The following PARD6G variants were observed in gnomAD, a reference collection of about 807,000 sequenced individuals.
The protein encoded by PARD6G is partitioning defective 6 homolog gamma.
A neutral mutation model predicts 10.7 loss-of-function variants in PARD6G; 7 were observed. That is an observed-to-expected ratio of 0.66 (90% CI 0.37 to 1.23). The LOEUF is 1.23. Among genes scored for constraint, PARD6G ranks in the 50% most tolerant of loss-of-function variants. PARD6G has a pLI of 0.02. For synonymous variants in PARD6G, 287 were observed against 269.4 expected (o/e 1.07, Z -0.64); for missense variants, 548 against 571.8 (o/e 0.96, Z 0.42).
Position 80,159,596 on chromosome 18 carries a change from G to A in PARD6G, c.*175C>T, listed in dbSNP as rs62101564. ...ACAGGCGTTCATTTTAAGTTCTGTG[G>A]CGAAATTCTATAAAAATAGGCAATA... On this transcript the variant is annotated 3_prime_UTR_variant, in exon 3 of 3. Coordinates refer to ENST00000353265, the MANE Select transcript of PARD6G (RefSeq NM_032510.4). 183,291 of 1,095,748 alleles carry A rather than the reference G, an allele frequency of 0.17. 17,876 individuals carry two copies. The highest frequency in any genetic ancestry group is 0.42 in the African/African-American group (25,408 of 60,254). 67.9% of individuals were successfully genotyped at this position (1,095,748 alleles called of 1,614,324 possible).
chr18:80,182,200 C>A lies in PARD6G; in HGVS notation c.295+20510G>T, dbSNP rs569496935. Among the ~76,000 whole-genome samples, 195 of 152,348 alleles carry A rather than the reference C, an allele frequency of 1.3e-3. 4 individuals are homozygous for A. The South Asian group carries it at 0.032, about 25-fold the overall frequency. Reference sequence around the variant, plus strand: ...ACTTCTGTCTCCTCCTCCCAAAATGCCTGTGACCAACTGGGCTGCCTTTGA... The same window carrying A: ...ACTTCTGTCTCCTCCTCCCAAAATGACTGTGACCAACTGGGCTGCCTTTGA... On this transcript the variant is annotated intron_variant, in intron 2 of 2. Coordinates refer to ENST00000353265, the MANE Select transcript of PARD6G (RefSeq NM_032510.4). This position sits in a 1 kb window ranked among gnomAD's most constrained non-coding sequence, Gnocchi z 4.5.
At position 80,159,728 on chromosome 18, in the gene PARD6G, T is replaced by C; in HGVS notation, c.*43A>G. ...CAGTCTGCAGGTCCTGTCCCTGTCC[T>C]TACCGGGGAACTGGAGCTAGGATTT... is the stretch of plus-strand genomic sequence containing the variant. On this transcript the variant is annotated 3_prime_UTR_variant, in exon 3 of 3. Transcript: ENST00000353265. 7.4e-7 allele frequency: 1 copy of C among 1,359,714 alleles called. No individual in the cohort carries two copies. Among genetic ancestry groups the C allele is most frequent in the East Asian group, 3.1e-5 (1 of 32,288 alleles). The allele number at this position is 1,359,714 out of a possible 1,614,324, so 84.2% of individuals were successfully genotyped here.
chr18:80,177,585 C>T (rs1301505653), intron 2 of PARD6G, among the ~76,000 whole-genome samples: 1 of 151,516 alleles, frequency 6.6e-6, no homozygotes, highest in African/African-American at 2.4e-5. Context: ...AAAGCGCACA[C>T]ACACATGCAT....
rs1192651320 is a variant in PARD6G at position 80,161,609 on chromosome 18, G to A, written c.296-1003C>T. The A allele has an allele frequency of 2.0e-5, 3 of 152,022 alleles. No homozygotes were observed. Among genetic ancestry groups the A allele is most frequent in the African/African-American group, 7.2e-5 (3 of 41,388 alleles). 9.4% of individuals were successfully genotyped at this position (152,022 alleles called of 1,614,324 possible). A position where few individuals can be genotyped will look rare whatever the true frequency, so the allele number is the denominator to read the frequency against. ...CATTAATTTTTATATGAAACCTCTT[G>A]TTCTTGACACACACGACTCTGTAAG... On this transcript the variant is annotated intron_variant, in intron 2 of 2. Transcript: ENST00000353265. The surrounding 1 kb of genome is among the most constrained non-coding windows in gnomAD (Gnocchi z 4.6).
intron 2 of PARD6G, chr18:80,162,572 C>A (rs1402914865): frequency 5.9e-6 from 1 of 169,274 alleles, no homozygotes; most frequent in Non-Finnish European, 1.5e-5. Flanking sequence ...ATAGACACTG[C>A]AAATCCTTAC....
At chr18:80,238,723 A>G (rs994253465) in intron 1 of PARD6G, among the ~76,000 whole-genome samples, 6 of 151,900 alleles carry the variant, frequency 3.9e-5, no homozygotes, top group Admixed American at 3.9e-4. Flanking sequence ...CACAGCAGAC[A>G]CTGTCGTTGG....
At chr18:80,235,130 T>TA (rs1344987504) in intron 1 of PARD6G, among the ~76,000 whole-genome samples, 1 of 151,994 alleles carries the variant, frequency 6.6e-6, no homozygotes, top group Non-Finnish European at 1.5e-5. Context: ...TCAGCAAATG[T>TA]AAAAGAATAG....
In PARD6G at chr18:80,159,783, C is replaced by G; in HGVS notation, c.1119G>C (p.Ala373=). 1 of 1,434,406 alleles carries G rather than the reference C, an allele frequency of 7.0e-7. No homozygotes were observed. The highest frequency in any genetic ancestry group is 1.5e-5 in the South Asian group (1 of 65,646). The allele number at this position is 1,434,406 out of a possible 1,614,324, so 88.9% of individuals were successfully genotyped here. A position where few individuals can be genotyped will look rare whatever the true frequency, so the allele number is the denominator to read the frequency against. ...GCCTCTCGGGAGTCTAGAGCGTGAC[C>G]GCGGGCCCGTGCTCCTCCACGCCGC... is the stretch of plus-strand genomic sequence containing the variant. The part of the protein sequence containing the change: ...PPGGVEEHGP[A]VTL The change falls in exon 3 of 3, where the codon GCG becomes GCC. Residue 373 remains alanine, a synonymous_variant. Transcript: ENST00000353265.
intron 2 of PARD6G, among the ~76,000 whole-genome samples, chr18:80,176,733 C>T (rs935799388): frequency 6.6e-6 from 1 of 152,144 alleles, no homozygotes; most frequent in Non-Finnish European, 1.5e-5. Flanking sequence ...GCCGAGCTCC[C>T]GACAGGGCAA....
intron 1 of PARD6G, among the ~76,000 whole-genome samples, chr18:80,209,767 G>A (rs1967088551): frequency 6.6e-6 from 1 of 152,202 alleles, no homozygotes; most frequent in Non-Finnish European, 1.5e-5. Flanking sequence ...AAGTGAGACT[G>A]CACCATTGCA....
chr18:80,190,728 G>T (rs1455810703), intron 2 of PARD6G, among the ~76,000 whole-genome samples: 2 of 152,176 alleles, frequency 1.3e-5, no homozygotes, highest in Non-Finnish European at 2.9e-5. Flanking sequence ...AGGGCAGGCG[G>T]GCAGCTGTTG....
chr18:80,195,544 G>GACACATATATATATATAT (rs1966943738), intron 2 of PARD6G, among the ~76,000 whole-genome samples: 3 of 23,686 alleles, frequency 1.3e-4, no homozygotes, highest in Non-Finnish European at 2.7e-4. Context: ...AGTCTTCAAA[G>GACACATATATATATATAT]ATACATATAT....
At chr18:80,204,599 C>G (rs905027702) in intron 1 of PARD6G, among the ~76,000 whole-genome samples, 1 of 150,080 alleles carries the variant, frequency 6.7e-6, no homozygotes, top group South Asian at 2.1e-4. Flanking sequence ...GCACTGCCCT[C>G]AGCAATTAAA....
rs1315172616 is a variant in PARD6G at position 80,180,115 on chromosome 18, G to C, written c.296-19509C>G. ...GAATGTCCCGTGGAAAAGTGGCACA[G>C]AGGCCTGGCTGGGTGAACCAGGGCC... On this transcript the variant is annotated intron_variant, in intron 2 of 2. Transcript: ENST00000353265. The surrounding 1 kb of genome is among the most constrained non-coding windows in gnomAD (Gnocchi z 5.6). Among the ~76,000 whole-genome samples, 1 of 152,280 alleles carries C rather than the reference G, an allele frequency of 6.6e-6. No individual in the cohort carries two copies. The highest frequency in any genetic ancestry group is 1.9e-4 in the East Asian group (1 of 5,194).
At chr18:80,237,591 A>G (rs1312490376) in intron 1 of PARD6G, among the ~76,000 whole-genome samples, 2 of 152,228 alleles carry the variant, frequency 1.3e-5, no homozygotes, top group Non-Finnish European at 2.9e-5. Flanking sequence ...AAATTTTTGC[A>G]ATCTACTCAT....
At position 80,231,125 on chromosome 18, in the gene PARD6G, A is replaced by G. The variant is rs929282071; in HGVS notation, c.72+16152T>C. Among the ~76,000 whole-genome samples the G allele has an allele frequency of 2.6e-5, 4 of 152,208 alleles. No individual in the cohort carries two copies. The highest frequency in any genetic ancestry group is 4.4e-5 in the Non-Finnish European group (3 of 68,032). ...GGGATGCCCCTCATGGAGGGAATGG[A>G]CAAGGATGGCCCATCAGCAAGGGAG... On this transcript the variant is annotated intron_variant, in intron 1 of 2. Transcript: ENST00000353265. The surrounding 1 kb of genome is among the most constrained non-coding windows in gnomAD (Gnocchi z 4.2).
chr18:80,193,331 T>C (rs1568433869), intron 2 of PARD6G, among the ~76,000 whole-genome samples: 1 of 152,142 alleles, frequency 6.6e-6, no homozygotes, highest in Admixed American at 6.5e-5. Context: ...CAAGGGAAAA[T>C]TCTTTCATGC....
Position 80,182,965 on chromosome 18 carries a change from C to T in PARD6G, c.295+19745G>A, listed in dbSNP as rs2052855485. The T allele has an allele frequency of 1.6e-6, 1 of 628,002 alleles. No homozygotes were observed. Among genetic ancestry groups the T allele is most frequent in the South Asian group, 1.8e-5 (1 of 54,504 alleles). 38.9% of individuals were successfully genotyped at this position (628,002 alleles called of 1,614,324 possible). The stretch of plus-strand genomic sequence containing the variant: ...CCACACCACGCAGCCAGACGCCCCT[C>T]CCAGTCCTCCTTCGTCCTGACGTGG... On this transcript the variant is annotated intron_variant, in intron 2 of 2. Transcript: ENST00000353265. The surrounding 1 kb of genome is among the most constrained non-coding windows in gnomAD (Gnocchi z 4.5).
chr18:80,167,500 G>T (rs1006290069), intron 2 of PARD6G, among the ~76,000 whole-genome samples: 8 of 152,138 alleles, frequency 5.3e-5, no homozygotes, highest in African/African-American at 1.9e-4. Flanking sequence ...GGACAGGGAA[G>T]GTCTTTTGTG....
Sources: allele counts gnomAD v4.1 joint callset (sites outside exome capture counted in the v4.1 genomes callset), GRCh38; gene constraint gnomAD v4.1.1; non-coding constraint Gnocchi (gnomAD v3.1); transcripts MANE v1.5; gene names NCBI Gene and HGNC (gene_info 2026-07-23, HGNC 2026-07-21).